The following FER variants were observed in gnomAD, a reference collection of about 807,000 sequenced individuals.
FER encodes the protein FER tyrosine kinase, also known as tyrosine-protein kinase Fer.
A neutral mutation model predicts 111.0 loss-of-function variants in FER; 63 were observed. The ratio of observed to expected loss-of-function variants is 0.57; its 90% confidence interval spans 0.46 to 0.70. The LOEUF (loss-of-function observed/expected upper bound fraction) is 0.70, where lower values mean the gene tolerates loss of function less well. FER is among the 30% of genes least tolerant of loss of function. The pLI is 0.00. For synonymous variants in FER, 327 were observed against 313.9 expected, an observed-to-expected ratio of 1.04 and a Z score of -0.44; for missense variants, 914 against 954.0, an observed-to-expected ratio of 0.96 and a Z score of 0.55.
intron 5 of FER, among the ~76,000 whole-genome samples, chr5:108,863,348 T>A (rs1763719786): frequency 6.6e-6 from 1 of 152,178 alleles, no homozygotes; most frequent in South Asian, 2.1e-4. Flanking sequence ...CTCGAACTCC[T>A]GACCTCAAGT....
chr5:108,754,782 A>T (rs994819235), intron 1 of FER, among the ~76,000 whole-genome samples: 3 of 152,222 alleles, frequency 2.0e-5, no homozygotes, highest in Non-Finnish European at 4.4e-5. Flanking sequence ...CATGGTTTTA[A>T]GAGAAGTGGA....
chr5:108,762,770 TTAGA>T (rs1271356608), intron 1 of FER, among the ~76,000 whole-genome samples: 3 of 152,188 alleles, frequency 2.0e-5, no homozygotes, highest in Non-Finnish European at 4.4e-5. Context: ...TTGTTTTTCC[TTAGA>T]TAGACATTTT....
intron 8 of FER, among the ~76,000 whole-genome samples, chr5:108,875,962 A>G (rs747867236): frequency 2.4e-4 from 36 of 152,224 alleles, no homozygotes; most frequent in Non-Finnish European, 4.4e-4. Context: ...ATTCTAAAAC[A>G]AAATCTAGTC....
At chr5:108,944,676 A>G (rs1312901271) in intron 10 of FER, among the ~76,000 whole-genome samples, 1 of 152,050 alleles carries the variant, frequency 6.6e-6, no homozygotes, top group Non-Finnish European at 1.5e-5. Context: ...CTACATGACA[A>G]ATGAGTTTCA....
At chr5:108,915,491 T>C (rs1047830205) in intron 10 of FER, among the ~76,000 whole-genome samples, 1 of 151,966 alleles carries the variant, frequency 6.6e-6, no homozygotes, top group Non-Finnish European at 1.5e-5. Flanking sequence ...AAATAACTAC[T>C]TTCTGAAACT....
intron 13 of FER, among the ~76,000 whole-genome samples, chr5:109,007,814 A>G (rs1765694447): frequency 6.6e-6 from 1 of 152,160 alleles, no homozygotes; most frequent in Non-Finnish European, 1.5e-5. Context: ...GTGTTCCTTT[A>G]AGTTTATAAG....
At chr5:108,939,898 A>G (rs1273371165) in intron 10 of FER, among the ~76,000 whole-genome samples, 3 of 152,112 alleles carry the variant, frequency 2.0e-5, no homozygotes, top group African/African-American at 7.2e-5. Context: ...GTACAAGAAT[A>G]CTAAACATTA....
In FER at chr5:108,882,131, A is replaced by T. The variant is rs559494075; in HGVS notation, c.924-1265A>T. ...TCAATATTGCAACAAATATTTTTGT[A>T]TGGACAGACTTTGTGCATATTGTAC... is the stretch of plus-strand genomic sequence containing the variant. On this transcript the variant is annotated intron_variant, in intron 8 of 19. Coordinates refer to ENST00000281092, the MANE Select transcript of FER (RefSeq NM_005246.4). Among the ~76,000 whole-genome samples the T allele has an allele frequency of 1.4e-3, 206 of 152,174 alleles. 1 individual carries two copies. Among genetic ancestry groups the T allele is most frequent in the African/African-American group, 4.8e-3 (200 of 41,534 alleles).
At chr5:109,020,272 T>G (rs1220473996) in intron 13 of FER, among the ~76,000 whole-genome samples, 1 of 151,968 alleles carries the variant, frequency 6.6e-6, no homozygotes, top group East Asian at 1.9e-4. Flanking sequence ...TAGAATAAGC[T>G]TACTTTGAAA....
In FER at chr5:109,030,943, C is replaced by T. The variant is rs34275845; in HGVS notation, c.1657-6479C>T. Among the ~76,000 whole-genome samples, 1,073 of 152,076 alleles carry T rather than the reference C, an allele frequency of 7.1e-3. 5 individuals are homozygous for T. Among genetic ancestry groups the T allele is most frequent in the East Asian group, 0.01 (54 of 5,162 alleles). ...TAACAGGCCCACAGAAACAAAGAGG[C>T]CTCTTAGGCTTGGTCGCTCATTTGT... On this transcript the variant is annotated intron_variant, in intron 13 of 19. Coordinates refer to ENST00000281092, the MANE Select transcript of FER (RefSeq NM_005246.4).
At chr5:109,083,944 C>T (rs1300968698) in intron 16 of FER, among the ~76,000 whole-genome samples, 1 of 151,918 alleles carries the variant, frequency 6.6e-6, no homozygotes, top group African/African-American at 2.4e-5. Flanking sequence ...TGCCAGCATC[C>T]ATGAAAAAAT....
At chr5:108,845,278 TCTCCTGGCTCAGC>T (rs1035086775) in intron 5 of FER, among the ~76,000 whole-genome samples, 13 of 151,286 alleles carry the variant, frequency 8.6e-5, no homozygotes, top group Middle Eastern at 3.4e-3. Flanking sequence ...TTCAGGCGAT[TCTCCTGGCTCAGC>T]CTCCTGAGTA....
At position 109,063,105 on chromosome 5, in the gene FER, A is replaced by T. The variant is rs780148936; in HGVS notation, c.1924+15907A>T. Among the ~76,000 whole-genome samples, 5 of 149,652 alleles carry T rather than the reference A, an allele frequency of 3.3e-5. No individual in the cohort carries two copies. The Admixed American group carries it at 3.3e-4, about 10-fold the overall frequency. On this transcript the variant is annotated intron_variant, in intron 16 of 19. Coordinates refer to ENST00000281092, the MANE Select transcript of FER (RefSeq NM_005246.4). ...CTTAGAAATCTAGACATGATTATTT[A>T]TATTGTTCTCATAAATGTCTTTAAG...
At chr5:108,886,059 C>G (rs1176461822) in intron 9 of FER, among the ~76,000 whole-genome samples, 1 of 151,740 alleles carries the variant, frequency 6.6e-6, no homozygotes, top group African/African-American at 2.4e-5. Context: ...TATAATGACT[C>G]CTATTTTAAA....
At chr5:109,052,576 A>C (rs556531689) in intron 16 of FER, 19 of 601,960 alleles carry the variant, frequency 3.2e-5, no homozygotes, top group Non-Finnish European at 4.1e-5. Flanking sequence ...GTCTATTTAA[A>C]GTTTAAAACT....
In FER at chr5:108,886,374, A is replaced by G. The variant is rs1747157489; in HGVS notation, c.1046+2856A>G. Among the ~76,000 whole-genome samples the G allele has an allele frequency of 2.7e-5, 4 of 149,596 alleles. No homozygotes were observed. In the South Asian group the frequency reaches 8.3e-4, roughly 31 times the overall value. On this transcript the variant is annotated intron_variant, in intron 9 of 19. Transcript: ENST00000281092. ...TTCTTGAGTTTTTACTTTGTGTCAC[A>G]TATTATGCTGGGTATTTATATATAT...
intron 17 of FER, among the ~76,000 whole-genome samples, chr5:109,126,723 A>T (rs1055174810): frequency 6.6e-6 from 1 of 152,194 alleles, no homozygotes; most frequent in East Asian, 1.9e-4. Flanking sequence ...GCTCCTTGTC[A>T]TTATGTAACT....
intron 2 of FER, among the ~76,000 whole-genome samples, chr5:108,773,204 C>T (rs1753115680): frequency 6.6e-6 from 1 of 152,022 alleles, no homozygotes; most frequent in Admixed American, 6.6e-5. Context: ...TTATTTTAAG[C>T]TCAGGGTTAC....
chr5:109,096,620 T>A (rs1408649017), intron 16 of FER, among the ~76,000 whole-genome samples: 1 of 151,846 alleles, frequency 6.6e-6, no homozygotes, highest in Non-Finnish European at 1.5e-5. Flanking sequence ...AAATAGTTTC[T>A]TTCACTCTTC....
Sources: gnomAD v4.1 joint callset for allele counts (sites outside exome capture counted in the v4.1 genomes callset) on GRCh38, gnomAD v4.1.1 for gene constraint, MANE v1.5 for transcripts, NCBI Gene and HGNC (gene_info 2026-07-23, HGNC 2026-07-21) for gene names.